VIL1: variants seen among roughly 807,000 people sequenced by gnomAD.
VIL1 encodes the protein villin 1, also known as villin-1.
In VIL1, 86 loss-of-function variants were observed where a neutral mutation model predicts 104.0. The ratio of observed to expected loss-of-function variants is 0.83; its 90% CI spans 0.69 to 0.99. VIL1 has a LOEUF of 0.99. Ranked by LOEUF, VIL1 falls within the 50% of genes least tolerant of loss-of-function variation. The pLI is 0.00. For missense variants in VIL1, 944 were observed against 1,054.1 expected (o/e 0.90, Z 1.45); for synonymous variants, 394 against 412.6 (o/e 0.95, Z 0.55).
chr2:218,426,679 G>T (rs1689007843), intron 4 of VIL1, among the ~76,000 whole-genome samples: 1 of 151,354 alleles, frequency 6.6e-6, no homozygotes, highest in South Asian at 2.1e-4. Flanking sequence ...TCAACTCACT[G>T]CAAGCTCTGC....
At chr2:218,445,295 G>A (rs1255208169) in intron 19 of VIL1, among the ~76,000 whole-genome samples, 2 of 152,148 alleles carry the variant, frequency 1.3e-5, no homozygotes, top group Non-Finnish European at 2.9e-5. Flanking sequence ...AGCTACCTGG[G>A]AGGGTGAGGT....
At chr2:218,437,404 G>A in intron 17 of VIL1, 92 bp downstream of exon 17, 1 of 1,464,222 alleles carries the variant, frequency 6.8e-7, no homozygotes, top group Non-Finnish European at 9.2e-7. Context: ...TGGGATATAT[G>A]ACCTGCTGAT....
chr2:218,452,105 A>AT lies in VIL1; in HGVS notation c.*2770dup, dbSNP rs1325965769. The AT allele has an allele frequency of 5.9e-5, 9 of 152,516 alleles. No individual in the cohort carries two copies. The allele number at this position is 152,516 out of a possible 1,614,324, so 9.4% of individuals were successfully genotyped here. Reference sequence around the variant, plus strand: ...TATTAGGTGATTAAAATCAACAAATATGAAGTTTAGTTCATTTTTCCCTTA... The same window carrying AT: ...TATTAGGTGATTAAAATCAACAAATATTGAAGTTTAGTTCATTTTTCCCTTA... On this transcript the variant is annotated 3_prime_UTR_variant, in exon 20 of 20. Coordinates refer to ENST00000248444, the MANE Select transcript of VIL1 (RefSeq NM_007127.3).
chr2:218,434,453 CCT>C (rs1689152302), intron 13 of VIL1, 71 bp from the exon 14 acceptor site: 2 of 1,497,464 alleles, frequency 1.3e-6, no homozygotes, highest in African/African-American at 1.4e-5. Context: ...ACCCTATCCC[CCT>C]CTGTTCCCCA....
chr2:218,429,618 T>C lies in VIL1; in HGVS notation c.792T>C (p.Asn264=), dbSNP rs760342633. The part of the protein sequence containing the change: ...KLYHVSDSEG[N]LVVREVATRP... ...GCAGTGTGTCTGACTCCGAGGGGAA[T>C]CTGGTGGTGAGGGAAGTCGCCACAC... The change falls in exon 8 of 20, where the codon AAT becomes AAC. Residue 264 remains asparagine (N), a synonymous_variant. Transcript: ENST00000248444. 9 of 1,614,032 alleles carry C rather than the reference T, an allele frequency of 5.6e-6. No homozygotes were observed. The East Asian group carries it at 1.8e-4, about 32-fold the overall frequency.
At chr2:218,425,059 ATTT>A (rs1559145118) in intron 3 of VIL1, among the ~76,000 whole-genome samples, 1 of 151,582 alleles carries the variant, frequency 6.6e-6, no homozygotes, top group African/African-American at 2.4e-5. Context: ...CTCATTTTAA[ATTT>A]TTATTTTATT....
intron 15 of VIL1, 41 bp downstream of exon 15, chr2:218,435,475 G>C: frequency 6.2e-7 from 1 of 1,601,994 alleles, no homozygotes; most frequent in Non-Finnish European, 8.5e-7. Flanking sequence ...ACCAAGGTGG[G>C]GGAGCCGCCC....
At position 218,429,431 on chromosome 2, in the gene VIL1, G is replaced by A. The variant is rs201560572; in HGVS notation, c.714G>A (p.Ala238=). ...TGGGCAAGCGCAGGGAGCTGAAGGC[G>A]GCCGTGCCCGACACGGTGGTGGAGC... ...HVLGKRRELK[A]AVPDTVVEPA... is the part of the protein sequence containing the mutation. Residue 238 remains alanine, a synonymous_variant, in exon 7 of 20, where the codon GCG becomes GCA. Transcript: ENST00000248444. The A allele has an allele frequency of 5.8e-5, 94 of 1,614,026 alleles. No homozygotes were observed. Among genetic ancestry groups the A allele is most frequent in the Admixed American group, 1.5e-4 (9 of 60,026 alleles).
At chr2:218,448,540 G>A (rs1244164843) in intron 19 of VIL1, among the ~76,000 whole-genome samples, 1 of 151,702 alleles carries the variant, frequency 6.6e-6, no homozygotes, top group Non-Finnish European at 1.5e-5. Context: ...CTCCAGCCTG[G>A]GGAACACAGT....
In VIL1 at chr2:218,429,873, G is replaced by A. The variant is rs762646492; in HGVS notation, c.874G>A (p.Gly292Ser). 1.9e-6 allele frequency: 3 copies of A among 1,613,916 alleles called. 1 individual carries two copies. Among genetic ancestry groups the A allele is most frequent in the South Asian group, 2.2e-5 (2 of 91,054 alleles). Reference protein sequence around the residue: ...HEDCYILDQGGLKIYVWKGKK... With the variant: ...HEDCYILDQGSLKIYVWKGKK... ...GGACTGTTACATCCTGGACCAGGGGGGCCTGAAGATCTACGTGTGGAAAGG... is the reference window on the plus strand; with the variant it reads ...GGACTGTTACATCCTGGACCAGGGGAGCCTGAAGATCTACGTGTGGAAAGG... Residue 292 changes from glycine to serine, a missense_variant, in exon 9 of 20, where the codon GGC becomes AGC. By Grantham distance (56) the Gly-to-Ser change is moderately conservative (BLOSUM62 0). Coordinates refer to ENST00000248444, the MANE Select transcript of VIL1 (RefSeq NM_007127.3).
At chr2:218,442,615 G>A (rs944677906) in intron 19 of VIL1, among the ~76,000 whole-genome samples, 5 of 151,978 alleles carry the variant, frequency 3.3e-5, no homozygotes, top group East Asian at 1.9e-4. Context: ...GAATTACAGC[G>A]ACTGCACCCA....
intron 1 of VIL1, among the ~76,000 whole-genome samples, chr2:218,419,474 G>A (rs1688864020): frequency 6.6e-6 from 1 of 152,104 alleles, no homozygotes; most frequent in African/African-American, 2.4e-5. Flanking sequence ...TTAAAACCAG[G>A]ACAGTGCTGG....
At chr2:218,440,994 C>T in intron 19 of VIL1, 132 bp downstream of exon 19, 1 of 1,037,772 alleles carries the variant, frequency 9.6e-7, no homozygotes, top group Non-Finnish European at 1.4e-6. Context: ...CTTCATGCCA[C>T]CTTATATCCC....
intron 1 of VIL1, among the ~76,000 whole-genome samples, chr2:218,421,356 TTGGGGTGACCATGCCCTTCCCTGGTC>T (rs1688896808): frequency 6.6e-6 from 1 of 152,058 alleles, no homozygotes; most frequent in African/African-American, 2.4e-5. Context: ...CTTTGGGGTC[TTGGGGTGACCATGCCCTTCCCTGGTC>T]TGGGGACACA....
chr2:218,449,063 T>G (rs1295253570), intron 19 of VIL1, among the ~76,000 whole-genome samples, 160 bp from the exon 20 acceptor site: 1 of 151,916 alleles, frequency 6.6e-6, no homozygotes, highest in African/African-American at 2.4e-5. Context: ...ACTCTCCTCC[T>G]CTCCATCCCT....
At chr2:218,445,760 A>C (rs4674308) in intron 19 of VIL1, among the ~76,000 whole-genome samples, 100,628 of 151,842 alleles carry the variant, frequency 0.66, 33,793 homozygotes, top group East Asian at 0.9. Flanking sequence ...CAGGGAGATG[A>C]TGTTTTATAG....
At chr2:218,423,002 TA>T (rs1366093479) in intron 1 of VIL1, among the ~76,000 whole-genome samples, 1 of 152,198 alleles carries the variant, frequency 6.6e-6, no homozygotes, top group Non-Finnish European at 1.5e-5. Context: ...CACCCTGGCC[TA>T]ATTAAATCAG....
At chr2:218,433,133 C>T (rs1689128048) in intron 13 of VIL1, among the ~76,000 whole-genome samples, 182 bp downstream of exon 13, 1 of 152,222 alleles carries the variant, frequency 6.6e-6, no homozygotes, top group African/African-American at 2.4e-5. Context: ...CATTTGGTTA[C>T]TTTAGAAATA....
chr2:218,431,128 C>G, intron 10 of VIL1: 1 of 572,320 alleles, frequency 1.7e-6, no homozygotes, highest in Non-Finnish European at 3.1e-6. Flanking sequence ...GCGGGTGGAT[C>G]ACCTGAGGTC....
Sources: allele counts gnomAD v4.1 joint callset (sites outside exome capture counted in the v4.1 genomes callset), GRCh38; gene constraint gnomAD v4.1.1; transcripts MANE v1.5; gene names NCBI Gene and HGNC (gene_info 2026-07-23, HGNC 2026-07-21).